TEX9: variants seen among roughly 807,000 people sequenced by gnomAD.
TEX9 encodes the protein testis-expressed protein 9.
TEX9 carries 74 observed loss-of-function variants against 59.6 expected under a neutral mutation model. The observed-to-expected ratio is 1.24, with a 90% confidence interval of 1.03 to 1.51. The LOEUF (loss-of-function observed/expected upper bound fraction) is 1.51. Among genes scored for constraint, TEX9 ranks in the 40% most tolerant of loss-of-function variants. The pLI is 0.00. For missense variants in TEX9, 522 were observed against 447.8 expected, an observed-to-expected ratio of 1.17 and a Z score of -1.49; for synonymous variants, 186 against 152.2, an observed-to-expected ratio of 1.22 and a Z score of -1.64.
chr15:56,389,341 T>C, exon 6 of TEX9: 8 of 1,611,276 alleles, frequency 5.0e-6, no homozygotes, highest in Non-Finnish European at 6.8e-6. Context: ...ACATTGATCC[T>C]GTAAACAAGG....
At chr15:56,377,800 A>T (rs138650208) in intron 3 of TEX9, among the ~76,000 whole-genome samples, 1 of 151,748 alleles carries the variant, frequency 6.6e-6, no homozygotes, top group East Asian at 1.9e-4. Context: ...AGTAGGCCAG[A>T]TCTTAAAGGA....
intron 4 of TEX9, among the ~76,000 whole-genome samples, chr15:56,384,333 A>C (rs550990685): frequency 6.6e-6 from 1 of 152,208 alleles, no homozygotes; most frequent in African/African-American, 2.4e-5. Flanking sequence ...ATGATCACCA[A>C]ACATTCCAAG....
exon 7 of TEX9, chr15:56,391,391 T>G (rs1388013780): frequency 6.4e-7 from 1 of 1,560,502 alleles, no homozygotes; most frequent in South Asian, 1.2e-5. Flanking sequence ...TGATATTTTT[T>G]CTGGTGTTAG....
At chr15:56,362,851 T>TG, upstream of TEX9, among the ~76,000 whole-genome samples, 1 of 152,344 alleles carries the variant, frequency 6.6e-6, no homozygotes, top group Admixed American at 6.5e-5. Context: ...AGATAATACT[T>TG]GGTCTTTTGT....
At chr15:56,431,345 AT>A in intron 12 of TEX9, 1 of 1,607,036 alleles carries the variant, frequency 6.2e-7, no homozygotes, top group African/African-American at 1.3e-5. Context: ...GGTCATGAAG[AT>A]TACAACTTGA....
At chr15:56,422,460 C>G (rs1482375373) in intron 10 of TEX9, among the ~76,000 whole-genome samples, 1 of 151,400 alleles carries the variant, frequency 6.6e-6, no homozygotes, top group African/African-American at 2.4e-5. Flanking sequence ...TTTATTAGAT[C>G]ATTATCTGTA....
intron 1 of TEX9, among the ~76,000 whole-genome samples, chr15:56,269,617 G>A (rs1357206723): frequency 2.0e-5 from 3 of 151,232 alleles, no homozygotes; most frequent in Non-Finnish European, 4.4e-5. Flanking sequence ...CAGTTTCCAT[G>A]GAGTTGTGCG....
intron 1 of TEX9, among the ~76,000 whole-genome samples, chr15:56,283,894 GA>G: frequency 6.6e-6 from 1 of 152,192 alleles, no homozygotes; most frequent in East Asian, 1.9e-4. Context: ...TGAATTCACA[GA>G]AAAGAAAATA....
intron 1 of TEX9, among the ~76,000 whole-genome samples, chr15:56,301,175 A>T (rs2045351983): frequency 6.6e-6 from 1 of 152,210 alleles, no homozygotes; most frequent in Non-Finnish European, 1.5e-5. Flanking sequence ...GATAATTAAA[A>T]AGAATCAAGC....
intron 8 of TEX9, 113 bp downstream of exon 8, chr15:56,394,360 A>C: frequency 2.1e-6 from 2 of 943,368 alleles, no homozygotes; most frequent in Non-Finnish European, 3.1e-6. Flanking sequence ...TTAAATTTTG[A>C]ATTCAAAAAT....
intron 1 of TEX9, among the ~76,000 whole-genome samples, chr15:56,332,575 T>C (rs1213018875): frequency 4.0e-5 from 6 of 149,846 alleles, no homozygotes; most frequent in Non-Finnish European, 8.9e-5. Flanking sequence ...CATATGTAAC[T>C]AACCTCCACA....
chr15:56,437,720 T>C lies in TEX9; in HGVS notation c.*30-7951T>C, dbSNP rs563077087. On this transcript the variant is annotated intron_variant, in intron 12 of 12. Transcript: ENST00000352903. ...ATGATTGTATATTTAGAAAACCCCATTGTCTCAGCCCCAAATCTCCTTAAG... is the reference window on the plus strand; with the variant it reads ...ATGATTGTATATTTAGAAAACCCCACTGTCTCAGCCCCAAATCTCCTTAAG... Among the ~76,000 whole-genome samples the C allele has an allele frequency of 3.1e-4, 47 of 152,292 alleles. 1 individual carries two copies. The South Asian group carries it at 7.9e-3, about 26-fold the overall frequency.
chr15:56,365,397 A>G, upstream of TEX9: 1 of 1,586,974 alleles, frequency 6.3e-7, no homozygotes, highest in Non-Finnish European at 8.6e-7. Flanking sequence ...GGATGTGGAA[A>G]CTCTCGCGGG....
chr15:56,336,497 C>T (rs751411719), intron 1 of TEX9, among the ~76,000 whole-genome samples: 8 of 152,138 alleles, frequency 5.3e-5, no homozygotes, highest in Non-Finnish European at 1.0e-4. Flanking sequence ...ACCAGAGCCC[C>T]ACCATGTTGG....
chr15:56,427,846 C>A, intron 11 of TEX9, 107 bp downstream of exon 11: 2 of 833,224 alleles, frequency 2.4e-6, no homozygotes, highest in Non-Finnish European at 1.8e-6. Context: ...ACGCACTGAA[C>A]TTCATATAAA....
chr15:56,301,841 A>C (rs1399984650), intron 1 of TEX9, among the ~76,000 whole-genome samples: 3 of 152,206 alleles, frequency 2.0e-5, no homozygotes, highest in African/African-American at 7.2e-5. Context: ...GCAATAAGAA[A>C]TCATTAAAGG....
intron 12 of TEX9, chr15:56,429,441 T>C (rs934849800): frequency 3.4e-5 from 12 of 352,978 alleles, no homozygotes; most frequent in Admixed American, 1.0e-4. Context: ...CATAGGAATC[T>C]GAGCTCTTCT....
chr15:56,343,480 T>C (rs781222695), intron 1 of TEX9, among the ~76,000 whole-genome samples: 9 of 152,018 alleles, frequency 5.9e-5, no homozygotes, highest in Non-Finnish European at 8.8e-5. Flanking sequence ...ATTAATGAAA[T>C]TGATAGACTC....
At chr15:56,391,706 G>C (rs1049560886) in intron 7 of TEX9, among the ~76,000 whole-genome samples, 9 of 151,886 alleles carry the variant, frequency 5.9e-5, no homozygotes, top group Non-Finnish European at 1.3e-4. Flanking sequence ...AAATAAAAAA[G>C]ACTATATTGT....
Sources: allele counts gnomAD v4.1 joint callset (sites outside exome capture counted in the v4.1 genomes callset), GRCh38; gene constraint gnomAD v4.1.1; transcripts MANE v1.5; gene names NCBI Gene and HGNC (gene_info 2026-07-23, HGNC 2026-07-21).